The following FBXL17 variants were observed in gnomAD, a reference collection of about 807,000 sequenced individuals.
The protein encoded by FBXL17 is F-box and leucine rich repeat protein 17, also known as F-box/LRR-repeat protein 17.
Under a neutral mutation model 66.2 loss-of-function variants are expected in FBXL17, and 22 were observed. The ratio of observed to expected loss-of-function variants is 0.33; its 90% CI spans 0.24 to 0.47. FBXL17 has a LOEUF of 0.47. FBXL17 is among the 20% of genes least tolerant of loss of function. FBXL17 has a pLI of 1.00. For synonymous variants in FBXL17, 474 were observed against 400.5 expected (o/e 1.18, Z -2.19); for missense variants, 878 against 948.2 (o/e 0.93, Z 0.97).
chr5:107,980,664 A>ATATATTTTTTTTTTT, intron 7 of FBXL17, among the ~76,000 whole-genome samples: 1 of 62,106 alleles, frequency 1.6e-5, no homozygotes, highest in Admixed American at 1.7e-4. Flanking sequence ...ATATATATAT[A>ATATATTTTTTTTTTT]TTTTTTTTTT....
chr5:108,184,980 C>T (rs920555012), intron 6 of FBXL17, among the ~76,000 whole-genome samples: 10 of 152,062 alleles, frequency 6.6e-5, no homozygotes, highest in African/African-American at 2.4e-4. Context: ...TACAAATCTA[C>T]CTAATCAGTA....
intron 4 of FBXL17, among the ~76,000 whole-genome samples, chr5:108,274,140 T>C (rs1389380630): frequency 6.6e-6 from 1 of 152,206 alleles, no homozygotes; most frequent in Non-Finnish European, 1.5e-5. Context: ...TAACATCTTA[T>C]CAGGAGACAG....
intron 7 of FBXL17, among the ~76,000 whole-genome samples, chr5:107,955,293 T>C (rs1751625271): frequency 6.6e-6 from 1 of 151,968 alleles, no homozygotes; most frequent in Non-Finnish European, 1.5e-5. Flanking sequence ...GCTCTTAGTC[T>C]TAACAAAAAA....
chr5:107,947,077 G>A (rs1281230441), intron 7 of FBXL17, among the ~76,000 whole-genome samples: 5 of 152,214 alleles, frequency 3.3e-5, no homozygotes, highest in African/African-American at 7.2e-5. Flanking sequence ...TCTCACCTAC[G>A]TCTCTCAGTA....
At chr5:108,378,712 A>G (rs1318091403) in intron 1 of FBXL17, among the ~76,000 whole-genome samples, 1 of 152,212 alleles carries the variant, frequency 6.6e-6, no homozygotes, top group Non-Finnish European at 1.5e-5. Flanking sequence ...GAGTCTCAGC[A>G]CAGACTCTAA....
At chr5:107,924,643 T>C (rs897794448) in intron 7 of FBXL17, among the ~76,000 whole-genome samples, 2 of 152,180 alleles carry the variant, frequency 1.3e-5, no homozygotes, top group Admixed American at 1.3e-4. Flanking sequence ...GTACCCAGCA[T>C]CTTTATACTC....
chr5:108,174,412 G>A (rs917534436), intron 6 of FBXL17, among the ~76,000 whole-genome samples: 9 of 152,066 alleles, frequency 5.9e-5, no homozygotes, highest in Non-Finnish European at 8.8e-5. Context: ...CAGTTCCAAA[G>A]TGCATCTTGA....
chr5:107,908,143 TA>T (rs1337293088), intron 7 of FBXL17, among the ~76,000 whole-genome samples: 1 of 152,158 alleles, frequency 6.6e-6, no homozygotes, highest in Non-Finnish European at 1.5e-5. Flanking sequence ...ATGTCCTTCG[TA>T]GGGACATGGA....
At chr5:108,258,558 A>T (rs1271919839) in intron 4 of FBXL17, among the ~76,000 whole-genome samples, 2 of 152,140 alleles carry the variant, frequency 1.3e-5, no homozygotes, top group Admixed American at 1.3e-4. Context: ...AAAAAATACA[A>T]AATTTCTGTT....
intron 7 of FBXL17, among the ~76,000 whole-genome samples, chr5:107,895,745 G>A (rs956591867): frequency 6.6e-6 from 1 of 152,138 alleles, no homozygotes; most frequent in African/African-American, 2.4e-5. Flanking sequence ...TTGGGAATAT[G>A]GGGAAGTGAT....
At chr5:108,191,654 A>G (rs944559558) in intron 5 of FBXL17, among the ~76,000 whole-genome samples, 9 of 152,204 alleles carry the variant, frequency 5.9e-5, no homozygotes, top group African/African-American at 1.9e-4. Flanking sequence ...AAAAATATCT[A>G]AAATTTGAGT....
At chr5:108,242,263 C>A (rs1755887393) in intron 4 of FBXL17, among the ~76,000 whole-genome samples, 1 of 152,052 alleles carries the variant, frequency 6.6e-6, no homozygotes, top group South Asian at 2.1e-4. Context: ...CTCATTGTAA[C>A]CTGGAACTCC....
chr5:108,311,317 G>A (rs901545745), intron 4 of FBXL17, among the ~76,000 whole-genome samples: 1 of 151,830 alleles, frequency 6.6e-6, no homozygotes, highest in Admixed American at 6.6e-5. Context: ...GATTACAGGC[G>A]CCTGCCACCA....
Position 107,861,865 on chromosome 5 carries a change from A to G in FBXL17, c.1966-5T>C. ...TTCCACCGTCACTTCGTTGACCTGC[A>G]AACAAAGAAGAGTCACCATCACGCA... On this transcript the variant is annotated splice_region_variant and splice_polypyrimidine_tract_variant and intron_variant, in intron 8 of 8. Transcript: ENST00000542267. The G allele has an allele frequency of 6.6e-7, 1 of 1,513,268 alleles. No individual in the cohort carries two copies. The highest frequency in any genetic ancestry group is 8.9e-7 in the Non-Finnish European group (1 of 1,122,740). 93.7% of individuals were successfully genotyped at this position (1,513,268 alleles called of 1,614,324 possible). A position where few individuals can be genotyped will look rare whatever the true frequency, so the allele number is the denominator to read the frequency against.
intron 2 of FBXL17, among the ~76,000 whole-genome samples, chr5:108,366,737 G>T (rs1173195375): frequency 2.0e-5 from 3 of 151,950 alleles, no homozygotes; most frequent in Non-Finnish European, 2.9e-5. Context: ...TGGATATAAA[G>T]GTCATGAACC....
At chr5:108,008,635 A>T (rs1258647044) in intron 7 of FBXL17, among the ~76,000 whole-genome samples, 2 of 152,184 alleles carry the variant, frequency 1.3e-5, no homozygotes, top group African/African-American at 4.8e-5. Flanking sequence ...GGTTACTATA[A>T]GATAGAAATA....
chr5:108,154,857 T>C (rs1005577425), intron 6 of FBXL17, among the ~76,000 whole-genome samples: 5 of 151,582 alleles, frequency 3.3e-5, no homozygotes, highest in Non-Finnish European at 5.9e-5. Flanking sequence ...GACCTAATCC[T>C]TACAGACTGC....
chr5:108,313,208 A>T (rs1406348571), intron 4 of FBXL17, among the ~76,000 whole-genome samples: 2 of 152,128 alleles, frequency 1.3e-5, no homozygotes, highest in African/African-American at 2.4e-5. Context: ...CTTTCCAACC[A>T]TATTGAAGTA....
At chr5:108,226,214 T>C (rs1352530669) in intron 4 of FBXL17, among the ~76,000 whole-genome samples, 1 of 152,224 alleles carries the variant, frequency 6.6e-6, no homozygotes, top group African/African-American at 2.4e-5. Flanking sequence ...CATTCTGATT[T>C]GCCTCGGACA....
Sources: gnomAD v4.1 joint callset for allele counts (sites outside exome capture counted in the v4.1 genomes callset) on GRCh38, gnomAD v4.1.1 for gene constraint, MANE v1.5 for transcripts, NCBI Gene and HGNC (gene_info 2026-07-23, HGNC 2026-07-21) for gene names.